USP10: variants seen among roughly 807,000 people sequenced by gnomAD.
USP10 encodes ubiquitin specific peptidase 10.
Under a neutral mutation model 84.5 loss-of-function variants are expected in USP10, and 22 were observed. The ratio of observed to expected loss-of-function variants is 0.26; its 90% confidence interval spans 0.19 to 0.37. USP10 has a LOEUF of 0.37. USP10 is among the 10% of genes least tolerant of loss of function. USP10 has a pLI of 1.00. For missense variants in USP10, 1,019 were observed against 998.9 expected (o/e 1.02, Z -0.27); for synonymous variants, 454 against 387.6 (o/e 1.17, Z -2.01).
chr16:84,706,689 C>T (rs990323662), intron 1 of USP10, among the ~76,000 whole-genome samples: 3 of 151,668 alleles, frequency 2.0e-5, no homozygotes, highest in South Asian at 2.1e-4. Context: ...TACAGGTGTG[C>T]GCCACCACGC....
chr16:84,759,540 A>G (rs1407797395), intron 6 of USP10, 68 bp downstream of exon 6: 5 of 1,395,706 alleles, frequency 3.6e-6, no homozygotes, highest in Admixed American at 1.7e-5. Flanking sequence ...GAATTGAAAT[A>G]GTTTAGTAAA....
rs147925965 is a variant in USP10 at position 84,746,274 on chromosome 16, A to G, written c.1192+601A>G. On this transcript the variant is annotated intron_variant, in intron 4 of 13. Coordinates refer to ENST00000219473, the MANE Select transcript of USP10 (RefSeq NM_005153.3). ...AAATAGAAAGCTGCATAATTCACAG[A>G]TTGTTTTTAAAAAGTTACAGTAGGA... 2.0e-5 allele frequency among the ~76,000 whole-genome samples: 3 copies of G among 152,362 alleles called. No individual in the cohort carries two copies. In the East Asian group the frequency reaches 5.8e-4, roughly 29 times the overall value.
chr16:84,734,891 G>A (rs909011101), intron 2 of USP10, among the ~76,000 whole-genome samples: 3 of 152,058 alleles, frequency 2.0e-5, no homozygotes, highest in Non-Finnish European at 2.9e-5. Flanking sequence ...CATTCATTGG[G>A]AACTCGGCCC....
chr16:84,704,916 C>G (rs1163907634), intron 1 of USP10: 24 of 1,535,250 alleles, frequency 1.6e-5, no homozygotes, highest in Non-Finnish European at 1.7e-5. Context: ...AATTCCTCGA[C>G]TTTCCCTTTT....
chr16:84,703,340 A>G (rs534477810), intron 1 of USP10, among the ~76,000 whole-genome samples: 75 of 152,334 alleles, frequency 4.9e-4, no homozygotes, highest in Admixed American at 1.0e-3. Context: ...AATCTCCACA[A>G]TAATGCTTCC....
At chr16:84,724,305 C>G (rs1001965486) in intron 1 of USP10, among the ~76,000 whole-genome samples, 3 of 152,110 alleles carry the variant, frequency 2.0e-5, no homozygotes, top group Admixed American at 6.5e-5. Flanking sequence ...TGAATTCAAT[C>G]TAAAATTTCT....
In USP10 at chr16:84,769,242, G is replaced by A. The variant is rs1452263320; in HGVS notation, c.1998+884G>A. Among the ~76,000 whole-genome samples, 3 of 152,304 alleles carry A rather than the reference G, an allele frequency of 2.0e-5. No individual in the cohort carries two copies. In the East Asian group the frequency reaches 5.8e-4, roughly 29 times the overall value. On this transcript the variant is annotated intron_variant, in intron 11 of 13. Transcript: ENST00000219473. ...ACCTGTCATCACATTGCATGACTGG[G>A]ATGGATCTATCCTTGGCTTATCTTG...
chr16:84,701,397 T>G (rs1003964703), intron 1 of USP10, among the ~76,000 whole-genome samples: 22 of 151,702 alleles, frequency 1.5e-4, no homozygotes, highest in African/African-American at 4.6e-4. Flanking sequence ...AAGGGATCAG[T>G]AGTTGAATAA....
In USP10 at chr16:84,764,144, A is replaced by G. The variant is rs201080577; in HGVS notation, c.1713A>G (p.Glu571=). The G allele has an allele frequency of 1.9e-6, 3 of 1,613,956 alleles. No individual in the cohort carries two copies. The highest frequency in any genetic ancestry group is 1.7e-5 in the Admixed American group (1 of 60,026). Residue 571 remains glutamate, a synonymous_variant, in exon 10 of 14, where the codon GAA becomes GAG. Transcript: ENST00000219473. ...NHSVNEEEQE[E]QGEGSEDEWE... is the part of the protein sequence containing the mutation. ...CGGTCAATGAAGAAGAGCAGGAAGA[A>G]CAAGGTGAAGGAAGCGAGGATGAAT...
chr16:84,742,624 T>G (rs1910753311), intron 3 of USP10, among the ~76,000 whole-genome samples: 1 of 152,178 alleles, frequency 6.6e-6, no homozygotes, highest in Admixed American at 6.5e-5. Flanking sequence ...CCTAATGTAT[T>G]GATTGGGTTG....
chr16:84,751,942 C>G (rs183583752), intron 4 of USP10, among the ~76,000 whole-genome samples: 12 of 152,114 alleles, frequency 7.9e-5, no homozygotes, highest in South Asian at 2.1e-4. Context: ...GTTTACGATG[C>G]TGGTATTGCC....
intron 12 of USP10, among the ~76,000 whole-genome samples, chr16:84,773,195 G>C (rs1467519058): frequency 1.3e-5 from 2 of 152,180 alleles, no homozygotes. Flanking sequence ...AAGAGCCCCA[G>C]GTTAAAGGCA....
rs1246541236 is a variant in USP10 at position 84,776,108 on chromosome 16, A to AGGAGATGGGAGG, written c.2209+883_2209+884insGGAGATGGGAGG. On this transcript the variant is annotated intron_variant, in intron 13 of 13. Coordinates refer to ENST00000219473, the MANE Select transcript of USP10 (RefSeq NM_005153.3). ...CCAAGATATTCTTTCATTTCCTTAC[A>AGGAGATGGGAGG]TGTGTCCTAGGAGATGGGAGGTGGG... Among the ~76,000 whole-genome samples the AGGAGATGGGAGG allele has an allele frequency of 7.9e-5, 12 of 152,152 alleles. 1 individual carries two copies. The highest frequency in any genetic ancestry group is 1.5e-4 in the Non-Finnish European group (10 of 68,014).
chr16:84,727,393 A>G (rs1480878899), intron 1 of USP10, among the ~76,000 whole-genome samples: 1 of 152,236 alleles, frequency 6.6e-6, no homozygotes, highest in African/African-American at 2.4e-5. Context: ...AACACTAAAC[A>G]GTCAAACATA....
intron 5 of USP10, 96 bp from the exon 6 acceptor site, chr16:84,759,267 C>T (rs1328156588): frequency 1.7e-6 from 2 of 1,170,120 alleles, no homozygotes; most frequent in African/African-American, 1.5e-5. Flanking sequence ...CCTTAGCTTC[C>T]TTGTGTTTTT....
chr16:84,725,635 C>T (rs1567603550), intron 1 of USP10, among the ~76,000 whole-genome samples: 3 of 152,106 alleles, frequency 2.0e-5, no homozygotes, highest in African/African-American at 7.2e-5. Flanking sequence ...GACTCCTGAC[C>T]TCAGGTGATC....
At position 84,745,031 on chromosome 16, in the gene USP10, G is replaced by A; in HGVS notation, c.550G>A (p.Ala184Thr). The change falls in exon 4 of 14, where the codon GCA (alanine) becomes ACA (threonine). Residue 184 changes from alanine to threonine, a missense_variant. By Grantham distance (58) the Ala-to-Thr change is moderately conservative (BLOSUM62 0). Coordinates refer to ENST00000219473, the MANE Select transcript of USP10 (RefSeq NM_005153.3). ...EALVNGHANS[A>T]VPNSVSAEDA... ...CCTGGTCAATGGCCATGCCAATTCA[G>A]CAGTCCCGAACAGTGTCAGTGCAGA... 6.2e-7 allele frequency: 1 copy of A among 1,613,816 alleles called. No individual in the cohort carries two copies. Among genetic ancestry groups the A allele is most frequent in the Non-Finnish European group, 8.5e-7 (1 of 1,179,728 alleles).
rs951512687 is a variant in USP10 at position 84,774,495 on chromosome 16, T to C, written c.2144-665T>C. 3.6e-3 allele frequency among the ~76,000 whole-genome samples: 40 copies of C among 11,190 alleles called. No individual in the cohort carries two copies. The African/African-American group carries it at 0.043, about 12-fold the overall frequency. 7.3% of individuals were successfully genotyped at this position (11,190 alleles called of 152,430 possible). A position where few individuals can be genotyped will look rare whatever the true frequency, so the allele number is the denominator to read the frequency against. On this transcript the variant is annotated intron_variant, in intron 12 of 13. Coordinates refer to ENST00000219473, the MANE Select transcript of USP10 (RefSeq NM_005153.3). ...TTGTTTTTTTTTTGTTTGTTTGTTT[T>C]TTTCTTGCTCTGTCACCCAGGCTGG...
intron 1 of USP10, among the ~76,000 whole-genome samples, chr16:84,703,628 A>G (rs1905150847): frequency 6.6e-6 from 1 of 152,272 alleles, no homozygotes; most frequent in Non-Finnish European, 1.5e-5. Context: ...AAATGTTGAC[A>G]GGGCATTTGG....
Sources: gnomAD v4.1 joint callset for allele counts (sites outside exome capture counted in the v4.1 genomes callset) on GRCh38, gnomAD v4.1.1 for gene constraint, MANE v1.5 for transcripts, NCBI Gene and HGNC (gene_info 2026-07-23, HGNC 2026-07-21) for gene names.